Variants in PRSS57 observed in about 807,000 individuals in gnomAD.
PRSS57 encodes serine protease 57, also known as neutrophil serine protease 4.
PRSS57 carries 19 observed loss-of-function variants against 20.6 expected under a neutral mutation model. That is an observed-to-expected ratio of 0.92 (90% CI 0.64 to 1.35). PRSS57 has a LOEUF of 1.35. Ranked by LOEUF, PRSS57 falls within the 40% of genes most tolerant of loss-of-function variation. The pLI is 0.00. For synonymous variants in PRSS57, 203 were observed against 176.6 expected (o/e 1.15, Z -1.19); for missense variants, 440 against 403.7 (o/e 1.09, Z -0.77).
At chr19:693,533 A>G (rs989788731) in intron 2 of PRSS57, among the ~76,000 whole-genome samples, 11 of 152,056 alleles carry the variant, frequency 7.2e-5, no homozygotes, top group Non-Finnish European at 1.2e-4. Context: ...TTGGTGCAAA[A>G]GTAATTGCAC....
At chr19:691,448 T>C (rs1476938592) in intron 3 of PRSS57, among the ~76,000 whole-genome samples, 2 of 146,952 alleles carry the variant, frequency 1.4e-5, no homozygotes, top group Non-Finnish European at 3.0e-5. Context: ...GAGGTTACAG[T>C]GAGCCGAGAT....
At position 694,939 on chromosome 19, in the gene PRSS57, G is replaced by A; in HGVS notation, c.108C>T (p.Gly36=). 1.3e-6 allele frequency: 2 copies of A among 1,573,818 alleles called. No homozygotes were observed. The part of the protein sequence containing the change: ...PGSWGAQIIG[G]HEVTPHSRPY... ...GCCTGGAGTGGGGGGTCACCTCGTG[G>A]CCCCCGATGATCTGGGCCCCCCAGG... Residue 36 remains glycine (G), a synonymous_variant, in exon 2 of 5, where the codon GGC becomes GGT. Coordinates refer to ENST00000329267, the MANE Select transcript of PRSS57 (RefSeq NM_001308209.2).
chr19:685,842 G>T lies in PRSS57; in HGVS notation c.723C>A (p.Pro241=). The T allele has an allele frequency of 6.4e-7, 1 of 1,561,806 alleles. No individual in the cohort carries two copies. Residue 241 remains proline (P), a synonymous_variant, in exon 5 of 5, where the codon CCC becomes CCA. Coordinates refer to ENST00000329267, the MANE Select transcript of PRSS57 (RefSeq NM_001308209.2). Reference sequence around the variant, plus strand: ...CCTGCGTGTACACGTCGGGGGTCTTGGGGTCGCCGCACCAGAGGCCCGAGA... The same window carrying T: ...CCTGCGTGTACACGTCGGGGGTCTTTGGGTCGCCGCACCAGAGGCCCGAGA... ...VSFSGLWCGD[P]KTPDVYTQVS...
intron 2 of PRSS57, among the ~76,000 whole-genome samples, chr19:692,325 C>T (rs2031670968): frequency 6.6e-6 from 1 of 151,366 alleles, no homozygotes; most frequent in Non-Finnish European, 1.5e-5. Context: ...GCTGAGATTG[C>T]ACCATTGCAC....
chr19:686,342 C>T (rs759429783), intron 4 of PRSS57, among the ~76,000 whole-genome samples: 22 of 152,032 alleles, frequency 1.4e-4, no homozygotes, highest in Middle Eastern at 3.4e-3. Context: ...GAGGGCTCCC[C>T]GTATACTCAC....
chr19:692,453 C>A (rs534148179), intron 2 of PRSS57, among the ~76,000 whole-genome samples: 3 of 132,862 alleles, frequency 2.3e-5, no homozygotes, highest in African/African-American at 8.9e-5. Context: ...GAGACAGAGT[C>A]TCACTCTGTC....
intron 3 of PRSS57, chr19:691,040 C>G: frequency 6.0e-6 from 2 of 334,322 alleles, no homozygotes; most frequent in Non-Finnish European, 1.2e-5. Context: ...GATATCCTCT[C>G]TAAGACCTAC....
chr19:686,744 C>A (rs892071475), intron 4 of PRSS57, among the ~76,000 whole-genome samples, 181 bp downstream of exon 4: 1 of 152,214 alleles, frequency 6.6e-6, no homozygotes, highest in African/African-American at 2.4e-5. Context: ...GCAACCTGCA[C>A]AGCTGAACAT....
chr19:692,474 G>C (rs2031676592), intron 2 of PRSS57, among the ~76,000 whole-genome samples: 1 of 135,672 alleles, frequency 7.4e-6, no homozygotes, highest in Admixed American at 7.9e-5. Context: ...CCCTAGGCTA[G>C]AGTGCAATCG....
chr19:695,380 G>T lies in PRSS57; in HGVS notation c.51C>A (p.Thr17=). The stretch of plus-strand genomic sequence containing the variant: ...GGGGCTTCACGGGCAGCATCAGGGC[G>T]GTGGCCACAGTCAGCAGAGGACGTC... ...GWGRPLLTVA[T]ALMLPVKPPG... Residue 17 remains threonine, a synonymous_variant, in exon 1 of 5, where the codon ACC becomes ACA. Transcript: ENST00000329267. 2.3e-6 allele frequency: 3 copies of T among 1,282,730 alleles called. No individual in the cohort carries two copies. Among genetic ancestry groups the T allele is most frequent in the South Asian group, 3.5e-5 (1 of 28,180 alleles). 79.5% of individuals were successfully genotyped at this position (1,282,730 alleles called of 1,614,324 possible). A position where few individuals can be genotyped will look rare whatever the true frequency, so the allele number is the denominator to read the frequency against.
In PRSS57 at chr19:685,647, G is replaced by T. The variant is rs965311560; in HGVS notation, c.*69C>A. ...CCCAACCCTGAACATCAGGCTTCCCGTGGGGCCCAGCCACGGAACATTCCA... is the reference window on the plus strand; with the variant it reads ...CCCAACCCTGAACATCAGGCTTCCCTTGGGGCCCAGCCACGGAACATTCCA... On this transcript the variant is annotated 3_prime_UTR_variant, in exon 5 of 5. Coordinates refer to ENST00000329267, the MANE Select transcript of PRSS57 (RefSeq NM_001308209.2). 6 of 1,418,866 alleles carry T rather than the reference G, an allele frequency of 4.2e-6. No individual in the cohort carries two copies. Among genetic ancestry groups the T allele is most frequent in the Non-Finnish European group, 5.6e-6 (6 of 1,062,142 alleles). 87.9% of individuals were successfully genotyped at this position (1,418,866 alleles called of 1,614,324 possible). A position where few individuals can be genotyped will look rare whatever the true frequency, so the allele number is the denominator to read the frequency against.
rs570410367 is a variant in PRSS57 at position 691,131 on chromosome 19, G to T, written c.378+727C>A. 2.7e-5 allele frequency: 6 copies of T among 221,138 alleles called. No homozygotes were observed. In the East Asian group the frequency reaches 5.7e-4, roughly 21 times the overall value. The allele number at this position is 221,138 out of a possible 1,614,324, so 13.7% of individuals were successfully genotyped here. A position where few individuals can be genotyped will look rare whatever the true frequency, so the allele number is the denominator to read the frequency against. ...GGCCATCTTGTGAAGACTCACACCA[G>T]AGTCTCCGTGCAGACGCCCGGCTCC... On this transcript the variant is annotated intron_variant, in intron 3 of 4. Coordinates refer to ENST00000329267, the MANE Select transcript of PRSS57 (RefSeq NM_001308209.2).
intron 3 of PRSS57, among the ~76,000 whole-genome samples, chr19:689,801 C>G (rs1010923049): frequency 6.6e-6 from 1 of 152,180 alleles, no homozygotes; most frequent in Non-Finnish European, 1.5e-5. Context: ...CGCCCGTGAT[C>G]CCGACACTTT....
chr19:693,884 C>G (rs929892624), intron 2 of PRSS57, among the ~76,000 whole-genome samples: 1 of 152,102 alleles, frequency 6.6e-6, no homozygotes, highest in Non-Finnish European at 1.5e-5. Flanking sequence ...GGACTACAGG[C>G]GCCTGCCACC....
intron 2 of PRSS57, among the ~76,000 whole-genome samples, chr19:694,066 G>A (rs2031722485): frequency 6.6e-6 from 1 of 151,892 alleles, no homozygotes; most frequent in Admixed American, 6.6e-5. Context: ...AGTAGAGACA[G>A]AGTTTCACCA....
In PRSS57 at chr19:691,925, A is replaced by G. The variant is rs771434112; in HGVS notation, c.311T>C (p.Ile104Thr). The G allele has an allele frequency of 4.0e-5, 53 of 1,336,540 alleles. No individual in the cohort carries two copies. Among genetic ancestry groups the G allele is most frequent in the Non-Finnish European group, 4.9e-5 (51 of 1,034,086 alleles). The allele number at this position is 1,336,540 out of a possible 1,614,324, so 82.8% of individuals were successfully genotyped here. Residue 104 changes from isoleucine (I) to threonine (T), a missense_variant, in exon 3 of 5, where the codon ATC becomes ACC. Coordinates refer to ENST00000329267, the MANE Select transcript of PRSS57 (RefSeq NM_001308209.2). The part of the protein sequence containing the change: ...TAEPTQQVFG[I>T]DALTTHPDYH... ...GTCGGGGTGTGTGGTGAGAGCATCG[A>G]TGCCAAACACCTGCTGGGTGGGCTC...
rs1238414138 is a variant in PRSS57, at chr19:685,828, A to G, written c.737T>C (p.Val246Ala). ...CACAAAGGCGGACACCTGCGTGTAC[A>G]CGTCGGGGGTCTTGGGGTCGCCGCA... ...LWCGDPKTPDVYTQVSAFVAW... is the reference protein window; with the variant it reads ...LWCGDPKTPDAYTQVSAFVAW... The change falls in exon 5 of 5, where the codon GTG becomes GCG. Residue 246 changes from valine to alanine, a missense_variant. Val to Ala is a moderately conservative substitution (Grantham distance 64). Transcript: ENST00000329267. 3.2e-6 allele frequency: 5 copies of G among 1,563,216 alleles called. No individual in the cohort carries two copies. The African/African-American group carries it at 4.1e-5, about 13-fold the overall frequency.
intron 2 of PRSS57, among the ~76,000 whole-genome samples, chr19:694,029 C>T (rs748231109): frequency 1.3e-5 from 2 of 152,046 alleles, no homozygotes; most frequent in African/African-American, 2.4e-5. Flanking sequence ...CATGAGCCAC[C>T]GCACCCAGCC....
intron 3 of PRSS57, among the ~76,000 whole-genome samples, chr19:688,985 C>G (rs1418686492): frequency 2.6e-5 from 4 of 152,184 alleles, no homozygotes; most frequent in African/African-American, 9.7e-5. Flanking sequence ...CTTTGAGCGC[C>G]TGCTGTGTGC....
Sources: allele counts gnomAD v4.1 joint callset (sites outside exome capture counted in the v4.1 genomes callset), GRCh38; gene constraint gnomAD v4.1.1; transcripts MANE v1.5; gene names NCBI Gene and HGNC (gene_info 2026-07-23, HGNC 2026-07-21).